The following CELF4 variants were observed in gnomAD, a reference collection of about 807,000 sequenced individuals.
The protein encoded by CELF4 is CUG-BP- and ETR-3-like factor 4.
In CELF4, 18 loss-of-function variants were observed where a neutral mutation model predicts 59.9. The observed-to-expected ratio is 0.30, with a 90% CI of 0.21 to 0.45. CELF4 has a LOEUF of 0.45. CELF4 is among the 20% of genes least tolerant of loss of function. CELF4 has a pLI of 1.00. For missense variants in CELF4, 456 were observed against 689.0 expected, an observed-to-expected ratio of 0.66 and a Z score of 3.79; for synonymous variants, 261 against 267.1, an observed-to-expected ratio of 0.98 and a Z score of 0.22.
At chr18:37,367,101 A>C (rs2098794729) in intron 2 of CELF4, among the ~76,000 whole-genome samples, 1 of 152,198 alleles carries the variant, frequency 6.6e-6, no homozygotes, top group Non-Finnish European at 1.5e-5. Flanking sequence ...CTATGCGGCC[A>C]GCATGCACCT....
chr18:37,390,478 C>T (rs2099147420), intron 2 of CELF4, among the ~76,000 whole-genome samples: 1 of 152,046 alleles, frequency 6.6e-6, no homozygotes. Context: ...CCTCTTTTTC[C>T]CTCTGCTGGG....
chr18:37,278,172 T>C (rs1352096878), intron 3 of CELF4, among the ~76,000 whole-genome samples: 2 of 152,056 alleles, frequency 1.3e-5, no homozygotes, highest in Non-Finnish European at 2.9e-5. Flanking sequence ...AGCGCCTCCT[T>C]CTAGAGGCCT....
Position 37,536,687 on chromosome 18 carries a change from C to G in CELF4, c.286+28669G>C, listed in dbSNP as rs951957786. 3.3e-5 allele frequency among the ~76,000 whole-genome samples: 5 copies of G among 152,200 alleles called. No homozygotes were observed. The East Asian group carries it at 9.7e-4, about 29-fold the overall frequency. ...ACTGTGAGACAGGAGGAGCCCTGGC[C>G]CCAGTCCCCAGGCAGCAAGTCCCCG... On this transcript the variant is annotated intron_variant, in intron 1 of 12. Coordinates refer to ENST00000420428, the MANE Select transcript of CELF4 (RefSeq NM_020180.4).
intron 1 of CELF4, 91 bp downstream of exon 1, chr18:37,565,265 T>G: frequency 7.1e-7 from 1 of 1,406,402 alleles, no homozygotes; most frequent in Non-Finnish European, 9.6e-7. Flanking sequence ...TCCTCTCGCT[T>G]AGTCCGCCGC....
intron 2 of CELF4, among the ~76,000 whole-genome samples, chr18:37,465,351 A>G (rs1165796091): frequency 2.7e-4 from 41 of 152,172 alleles, no homozygotes; most frequent in Admixed American, 2.7e-3. Context: ...CACAAACAGA[A>G]TGTCACTAAT....
intron 3 of CELF4, among the ~76,000 whole-genome samples, chr18:37,277,048 G>A (rs1346140506): frequency 1.3e-5 from 2 of 152,192 alleles, no homozygotes; most frequent in African/African-American, 4.8e-5. Flanking sequence ...CTGAGGGTCT[G>A]TCCCAGGTTC....
rs529482026 is a variant in CELF4 at position 37,299,473 on chromosome 18, G to A, written c.448+22330C>T. On this transcript the variant is annotated intron_variant, in intron 3 of 12. Coordinates refer to ENST00000420428, the MANE Select transcript of CELF4 (RefSeq NM_020180.4). ...CGGGCAGAACTGGGACAGGATGGGA[G>A]CCTTGGGCCACGTGGAACCCTCCCA... Among the ~76,000 whole-genome samples the A allele has an allele frequency of 2.6e-3, 400 of 152,184 alleles. 4 individuals carry two copies. The highest frequency in any genetic ancestry group is 9.3e-3 in the African/African-American group (388 of 41,538).
At chr18:37,542,275 C>A (rs756880367) in intron 1 of CELF4, among the ~76,000 whole-genome samples, 7 of 152,246 alleles carry the variant, frequency 4.6e-5, no homozygotes, top group Non-Finnish European at 1.0e-4. Context: ...AAACAATTCA[C>A]TTTGGGAATA....
intron 2 of CELF4, among the ~76,000 whole-genome samples, chr18:37,457,874 G>C (rs111880873): frequency 3.9e-5 from 6 of 152,034 alleles, no homozygotes; most frequent in African/African-American, 1.4e-4. Context: ...CATAATATCC[G>C]ATGCTCCAAG....
intron 1 of CELF4, among the ~76,000 whole-genome samples, chr18:37,509,078 G>C (rs960993718): frequency 2.6e-5 from 4 of 152,120 alleles, no homozygotes; most frequent in African/African-American, 9.7e-5. Context: ...CAGGGCTCAA[G>C]GGTTCAGCCA....
At chr18:37,498,083 T>A (rs1317253365) in intron 1 of CELF4, among the ~76,000 whole-genome samples, 3 of 151,964 alleles carry the variant, frequency 2.0e-5, no homozygotes, top group Admixed American at 1.3e-4. Flanking sequence ...GACACCTGAG[T>A]GAATCACCAA....
At chr18:37,363,889 G>A (rs989684713) in intron 2 of CELF4, among the ~76,000 whole-genome samples, 1 of 152,100 alleles carries the variant, frequency 6.6e-6, no homozygotes, top group East Asian at 1.9e-4. Flanking sequence ...GGCCTCCTCT[G>A]CCTGGTCCTT....
In CELF4 at chr18:37,270,836, A is replaced by T; in HGVS notation, c.1031T>A (p.Leu344His). Residue 344 changes from leucine (L) to histidine (H), a missense_variant, in exon 8 of 13, where the codon CTC (leucine) becomes CAC (histidine). Leu to His is a moderately conservative substitution (Grantham distance 99). Around this residue, in one of 7 missense-constraint regions of CELF4, gnomAD observed 256 missense variants for 340.8 expected, o/e 0.75. Coordinates refer to ENST00000420428, the MANE Select transcript of CELF4 (RefSeq NM_020180.4). ...SPIGVNGFTG[L>H]PPQANGQPAA... is the part of the protein sequence containing the mutation. ...AGGTTGCCCATTGGCCTGTGGGGGGAGGCCGGTGAAGCCATTCACCCCAAT... is the reference window on the plus strand; with the variant it reads ...AGGTTGCCCATTGGCCTGTGGGGGGTGGCCGGTGAAGCCATTCACCCCAAT... The T allele has an allele frequency of 6.2e-7, 1 of 1,613,612 alleles. No homozygotes were observed. The highest frequency in any genetic ancestry group is 8.5e-7 in the Non-Finnish European group (1 of 1,179,926).
At chr18:37,393,373 T>G (rs914778987) in intron 2 of CELF4, among the ~76,000 whole-genome samples, 2 of 152,188 alleles carry the variant, frequency 1.3e-5, no homozygotes, top group Non-Finnish European at 2.9e-5. Flanking sequence ...ATTCATTCGT[T>G]GTTCTCCAGG....
At chr18:37,479,306 G>A (rs932053826) in intron 2 of CELF4, among the ~76,000 whole-genome samples, 1 of 152,204 alleles carries the variant, frequency 6.6e-6, no homozygotes, top group African/African-American at 2.4e-5. Context: ...AGGGAGGAAC[G>A]CTCTGCCCCA....
At chr18:37,327,980 C>T (rs1009949263) in intron 2 of CELF4, among the ~76,000 whole-genome samples, 1 of 152,216 alleles carries the variant, frequency 6.6e-6, no homozygotes, top group African/African-American at 2.4e-5. Flanking sequence ...CATGAACCTG[C>T]ACTACTCCTT....
intron 1 of CELF4, among the ~76,000 whole-genome samples, chr18:37,542,804 G>A (rs893788799): frequency 6.6e-6 from 1 of 152,162 alleles, no homozygotes; most frequent in Non-Finnish European, 1.5e-5. Flanking sequence ...CATGAAGCCA[G>A]TGTTGTTATT....
rs77498355 is a variant in CELF4 at position 37,333,648 on chromosome 18, C to T, written c.370-11767G>A. 9.7e-3 allele frequency among the ~76,000 whole-genome samples: 1,473 copies of T among 151,934 alleles called. 19 individuals carry two copies. The highest frequency in any genetic ancestry group is 0.033 in the African/African-American group (1,386 of 41,412). Reference sequence around the variant, plus strand: ...CTCCATTCTGCCCGTGCTGCCTCTCCTCCACCCTGCCCCAGCTCTGCCCTC... The same window carrying T: ...CTCCATTCTGCCCGTGCTGCCTCTCTTCCACCCTGCCCCAGCTCTGCCCTC... On this transcript the variant is annotated intron_variant, in intron 2 of 12. Transcript: ENST00000420428.
chr18:37,260,546 T>C lies in CELF4; in HGVS notation c.1250-1282A>G, dbSNP rs143628825. Among the ~76,000 whole-genome samples, 13 of 152,318 alleles carry C rather than the reference T, an allele frequency of 8.5e-5. No homozygotes were observed. In the East Asian group the frequency reaches 2.5e-3, roughly 29 times the overall value. On this transcript the variant is annotated intron_variant, in intron 10 of 12. Coordinates refer to ENST00000420428, the MANE Select transcript of CELF4 (RefSeq NM_020180.4). Reference sequence around the variant, plus strand: ...GGCATGAGCTCAACAGTGAAGGCTGTAAGGCACCAACATGGGCCGCTGCAT... The same window carrying C: ...GGCATGAGCTCAACAGTGAAGGCTGCAAGGCACCAACATGGGCCGCTGCAT...
Sources: gnomAD v4.1 joint callset for allele counts (sites outside exome capture counted in the v4.1 genomes callset) on GRCh38, gnomAD v4.1.1 for gene constraint, gnomAD v4.1.1 regional missense constraint, MANE v1.5 for transcripts, NCBI Gene and HGNC (gene_info 2026-07-23, HGNC 2026-07-21) for gene names.